The following UBAP2 variants were observed in gnomAD, a reference collection of about 807,000 sequenced individuals.
The protein encoded by UBAP2 is ubiquitin associated protein 2, also known as ubiquitin-associated protein 2.
UBAP2 carries 75 observed loss-of-function variants against 139.6 expected under a neutral mutation model. The observed-to-expected ratio is 0.54, with a 90% CI of 0.45 to 0.65. UBAP2 has a LOEUF of 0.65. UBAP2 is among the 30% of genes least tolerant of loss of function. The probability of loss-of-function intolerance (pLI) is 0.00; values close to 1 mark genes in which losing one functional copy is unlikely to be tolerated. For missense variants in UBAP2, 1,368 were observed against 1,369.6 expected (o/e 1.00, Z 0.02); for synonymous variants, 526 against 526.2 (o/e 1.00, Z 0.01).
intron 4 of UBAP2, among the ~76,000 whole-genome samples, chr9:33,990,989 A>C (rs887192737): frequency 6.6e-6 from 1 of 152,086 alleles, no homozygotes; most frequent in African/African-American, 2.4e-5. Flanking sequence ...GCCCTTATTC[A>C]AATAAAACAA....
chr9:33,955,944 G>A (rs1826524697), intron 11 of UBAP2, 135 bp downstream of exon 11: 1 of 614,734 alleles, frequency 1.6e-6, no homozygotes, highest in Non-Finnish European at 2.8e-6. Context: ...TTACCAAGTA[G>A]TGGTAAAATA....
At chr9:33,983,092 C>T (rs1385233142) in intron 6 of UBAP2, among the ~76,000 whole-genome samples, 1 of 151,950 alleles carries the variant, frequency 6.6e-6, no homozygotes, top group African/African-American at 2.4e-5. Context: ...GATGGCCAGG[C>T]TGGTCTCGAA....
chr9:34,019,513 T>A (rs757492990), intron 1 of UBAP2, among the ~76,000 whole-genome samples: 2 of 151,286 alleles, frequency 1.3e-5, no homozygotes, highest in African/African-American at 2.4e-5. Context: ...AGGCTGGGGG[T>A]AGGGGAAGAA....
chr9:33,973,932 C>T (rs1414746631), intron 6 of UBAP2, among the ~76,000 whole-genome samples: 1 of 152,220 alleles, frequency 6.6e-6, no homozygotes, highest in African/African-American at 2.4e-5. Context: ...CTGGGACAGG[C>T]ATGGTGGCTC....
At chr9:34,008,259 G>A (rs898018417) in intron 2 of UBAP2, among the ~76,000 whole-genome samples, 13 of 151,342 alleles carry the variant, frequency 8.6e-5, no homozygotes, top group African/African-American at 2.7e-4. Context: ...CGAAGGTTGC[G>A]GTGAGCTAAG....
chr9:34,041,784 G>A (rs1473383625), intron 1 of UBAP2, among the ~76,000 whole-genome samples: 1 of 151,890 alleles, frequency 6.6e-6, no homozygotes, highest in Non-Finnish European at 1.5e-5. Flanking sequence ...AGAACTTTGG[G>A]AGGCCGAAGC....
intron 1 of UBAP2, among the ~76,000 whole-genome samples, chr9:34,031,791 A>G (rs1290818077): frequency 8.1e-6 from 1 of 122,918 alleles, no homozygotes; most frequent in African/African-American, 2.7e-5. Context: ...TCCCAAACCA[A>G]AAAAAAAAAA....
Position 33,998,837 on chromosome 9 carries a change from G to A in UBAP2, c.127C>T (p.Gln43Ter), listed in dbSNP as rs1158564208. 6.2e-7 allele frequency: 1 copy of A among 1,611,720 alleles called. No homozygotes were observed. The highest frequency in any genetic ancestry group is 8.5e-7 in the Non-Finnish European group (1 of 1,179,680). The change falls in exon 3 of 29, where the codon CAA becomes TAA. Residue 43 changes from glutamine (Q) to a stop codon, truncating the protein, a stop_gained. Coordinates refer to ENST00000379238, the MANE Select transcript of UBAP2 (RefSeq NM_001370062.2). LOFTEE classifies it high-confidence loss of function. ...GAATCATTCTTATCAAAGATCACTT[G>A]AGCGAGACGCATCTGTTCAGCTGTT... is the stretch of plus-strand genomic sequence containing the variant. ...QATAEQMRLAQVIFDKNDSDF... is the reference protein window; with the variant it reads ...QATAEQMRLA
At position 33,998,826 on chromosome 9, in the gene UBAP2, A is replaced by G. The variant is rs556774038; in HGVS notation, c.138T>C (p.Phe46=). Residue 46 remains phenylalanine (F), a synonymous_variant, in exon 3 of 29, where the codon TTT becomes TTC. Transcript: ENST00000379238. ...CTTCAAAATCTGAATCATTCTTATC[A>G]AAGATCACTTGAGCGAGACGCATCT... ...AEQMRLAQVI[F]DKNDSDFEAK... 1 of 1,612,380 alleles carries G rather than the reference A, an allele frequency of 6.2e-7. No individual in the cohort carries two copies. Among genetic ancestry groups the G allele is most frequent in the South Asian group, 1.1e-5 (1 of 90,992 alleles).
intron 4 of UBAP2, among the ~76,000 whole-genome samples, chr9:33,991,028 T>C (rs539065051): frequency 6.6e-6 from 1 of 152,292 alleles, no homozygotes; most frequent in South Asian, 2.1e-4. Context: ...CTCACGCCTG[T>C]AATCCCAGCA....
Position 33,986,815 on chromosome 9 carries a change from A to G in UBAP2, c.465T>C (p.Ile155=). Residue 155 remains isoleucine (I), a synonymous_variant, in exon 6 of 29, where the codon ATT becomes ATC. Coordinates refer to ENST00000379238, the MANE Select transcript of UBAP2 (RefSeq NM_001370062.2). Reference sequence around the variant, plus strand: ...AAGGTTTGTCCACTTGATTGCAATCAATTCCATTTTCTTCACCTCTAACTA... The same window carrying G: ...AAGGTTTGTCCACTTGATTGCAATCGATTCCATTTTCTTCACCTCTAACTA... ...GREFRGEENG[I]DCNQVDKPSD... is the part of the protein sequence containing the mutation. 3.7e-6 allele frequency: 6 copies of G among 1,614,164 alleles called. No individual in the cohort carries two copies. Among genetic ancestry groups the G allele is most frequent in the Non-Finnish European group, 5.1e-6 (6 of 1,180,004 alleles).
intron 17 of UBAP2, 172 bp downstream of exon 17, chr9:33,935,667 C>G: frequency 1.4e-6 from 1 of 711,738 alleles, no homozygotes; most frequent in Non-Finnish European, 2.5e-6. Flanking sequence ...GTGGTTAAGA[C>G]ATTTCTAATA....
intron 1 of UBAP2, among the ~76,000 whole-genome samples, chr9:34,031,808 G>C (rs1442669042): frequency 6.7e-6 from 1 of 148,652 alleles, no homozygotes; most frequent in South Asian, 2.1e-4. Context: ...AAAAAAGAAA[G>C]AAAAAAAGAG....
chr9:33,953,855 CA>C, intron 11 of UBAP2, among the ~76,000 whole-genome samples: 1 of 152,038 alleles, frequency 6.6e-6, no homozygotes, highest in East Asian at 1.9e-4. Context: ...CTAATAAATC[CA>C]TATTTCTAGG....
At chr9:34,039,180 G>C (rs1432685599) in intron 1 of UBAP2, among the ~76,000 whole-genome samples, 1 of 150,714 alleles carries the variant, frequency 6.6e-6, no homozygotes, top group Non-Finnish European at 1.5e-5. Flanking sequence ...CGCCCCTTCC[G>C]GGAGGGAGGT....
intron 2 of UBAP2, among the ~76,000 whole-genome samples, chr9:34,010,921 T>C (rs1003737006): frequency 6.6e-6 from 1 of 152,132 alleles, no homozygotes; most frequent in Non-Finnish European, 1.5e-5. Context: ...TCAGGGAGTA[T>C]GGCTGAAATC....
At chr9:34,023,701 C>T (rs186645188) in intron 1 of UBAP2, among the ~76,000 whole-genome samples, 313 of 152,264 alleles carry the variant, frequency 2.1e-3, no homozygotes, top group Non-Finnish European at 3.5e-3. Context: ...AGGTTTACTG[C>T]TCTGGGTTAT....
chr9:33,981,673 C>G (rs1315149147), intron 6 of UBAP2, among the ~76,000 whole-genome samples: 1 of 151,654 alleles, frequency 6.6e-6, no homozygotes, highest in Non-Finnish European at 1.5e-5. Context: ...TTTTTAAATA[C>G]ATTGATATAG....
intron 12 of UBAP2, among the ~76,000 whole-genome samples, chr9:33,950,128 C>G (rs1322473430): frequency 6.6e-6 from 1 of 152,082 alleles, no homozygotes. Context: ...TGCAGTGGCG[C>G]GATCTCGGCT....
Sources: allele counts gnomAD v4.1 joint callset (sites outside exome capture counted in the v4.1 genomes callset), GRCh38; gene constraint gnomAD v4.1.1; transcripts MANE v1.5; gene names NCBI Gene and HGNC (gene_info 2026-07-23, HGNC 2026-07-21).